The following DUSP18 variants were observed in gnomAD, a reference collection of about 807,000 sequenced individuals.
The protein encoded by DUSP18 is dual specificity phosphatase 18.
A neutral mutation model predicts 6.3 loss-of-function variants in DUSP18; 4 were observed. The ratio of observed to expected loss-of-function variants is 0.63; its 90% CI spans 0.31 to 1.45. The LOEUF is 1.45. Among genes scored for constraint, DUSP18 ranks in the 40% most tolerant of loss-of-function variants. The pLI is 0.07. For missense variants in DUSP18, 235 were observed against 247.7 expected (o/e 0.95, Z 0.34); for synonymous variants, 96 against 95.1 (o/e 1.01, Z -0.05).
Position 30,663,182 on chromosome 22 carries a change from A to G in DUSP18, c.*255T>C, listed in dbSNP as rs2088526068. On this transcript the variant is annotated 3_prime_UTR_variant, in exon 2 of 2. Coordinates refer to ENST00000334679, the MANE Select transcript of DUSP18 (RefSeq NM_152511.5). ...TGCTGCCCTCTTTCTTCTGGGCACCATCTGCCTCAACCTATCCCCTGGCCA... is the reference window on the plus strand; with the variant it reads ...TGCTGCCCTCTTTCTTCTGGGCACCGTCTGCCTCAACCTATCCCCTGGCCA... 2.2e-6 allele frequency: 1 copy of G among 450,960 alleles called. No homozygotes were observed. The allele number at this position is 450,960 out of a possible 1,614,324, so 27.9% of individuals were successfully genotyped here. A position where few individuals can be genotyped will look rare whatever the true frequency, so the allele number is the denominator to read the frequency against.
downstream of DUSP18, among the ~76,000 whole-genome samples, chr22:30,657,276 A>AAC (rs146940549): frequency 0.012 from 166 of 14,176 alleles, no homozygotes; most frequent in Middle Eastern, 0.043. Flanking sequence ...CTCTACTAAA[A>AAC]ACACACACAC....
downstream of DUSP18, among the ~76,000 whole-genome samples, chr22:30,659,493 C>G (rs1044049207): frequency 6.6e-6 from 1 of 152,048 alleles, no homozygotes; most frequent in Non-Finnish European, 1.5e-5. Flanking sequence ...TCCGCCTCAG[C>G]CTCCCGGGTA....
intron 1 of DUSP18, chr22:30,666,685 C>G (rs904646928): frequency 7.1e-6 from 1 of 140,040 alleles, no homozygotes; most frequent in Non-Finnish European, 1.5e-5. Flanking sequence ...GTTGGAGATA[C>G]TGAAATGTAC....
intron 1 of DUSP18, among the ~76,000 whole-genome samples, chr22:30,664,339 G>A (rs2088577051): frequency 6.6e-6 from 1 of 152,188 alleles, no homozygotes; most frequent in Non-Finnish European, 1.5e-5. Context: ...CTGCCCTATA[G>A]GACAAATGGC....
chr22:30,660,447 A>G (rs903904737), downstream of DUSP18, among the ~76,000 whole-genome samples: 1 of 152,168 alleles, frequency 6.6e-6, no homozygotes, highest in African/African-American at 2.4e-5. Context: ...AGCTGGGACT[A>G]CAGGTGCATG....
At chr22:30,660,089 G>A (rs1342461098), downstream of DUSP18, among the ~76,000 whole-genome samples, 1 of 152,170 alleles carries the variant, frequency 6.6e-6, no homozygotes, top group Non-Finnish European at 1.5e-5. Context: ...CTTCCTCAGA[G>A]CCTCCAGGGA....
intron 1 of DUSP18, among the ~76,000 whole-genome samples, chr22:30,666,320 G>C (rs563185338): frequency 6.6e-6 from 1 of 152,208 alleles, no homozygotes; most frequent in Non-Finnish European, 1.5e-5. Flanking sequence ...TTTCATGCTA[G>C]TTAAGAAATA....
Position 30,661,737 on chromosome 22 carries a change from C to T in DUSP18, c.*1700G>A, listed in dbSNP as rs902814928. On this transcript the variant is annotated 3_prime_UTR_variant, in exon 2 of 2. Transcript: ENST00000334679. ...AGAAGAGCTGGTCTTCAGCCAGGTC[C>T]TTGGCACCAAGAGGATGTGAACAAT... The T allele has an allele frequency of 1.3e-5, 2 of 152,238 alleles. No individual in the cohort carries two copies. The highest frequency in any genetic ancestry group is 2.9e-5 in the Non-Finnish European group (2 of 68,068). 9.4% of individuals were successfully genotyped at this position (152,238 alleles called of 1,614,324 possible).
rs1367496234 is a variant in DUSP18, at chr22:30,661,732, A to AG, written c.*1704dup. 2.6e-5 allele frequency: 4 copies of AG among 152,278 alleles called. No homozygotes were observed. Among genetic ancestry groups the AG allele is most frequent in the Non-Finnish European group, 5.9e-5 (4 of 68,076 alleles). The allele number at this position is 152,278 out of a possible 1,614,324, so 9.4% of individuals were successfully genotyped here. On this transcript the variant is annotated 3_prime_UTR_variant, in exon 2 of 2. Coordinates refer to ENST00000334679, the MANE Select transcript of DUSP18 (RefSeq NM_152511.5). ...GGATCAGAAGAGCTGGTCTTCAGCC[A>AG]GGTCCTTGGCACCAAGAGGATGTGA...
chr22:30,661,137 G>A (rs1424642128), downstream of DUSP18, among the ~76,000 whole-genome samples: 2 of 151,874 alleles, frequency 1.3e-5, no homozygotes, highest in East Asian at 1.9e-4. Context: ...CACCACGCCC[G>A]GCCTCAATTG....
chr22:30,654,072 C>G (rs986541237), intron 2 of DUSP18: 1 of 179,294 alleles, frequency 5.6e-6, no homozygotes, highest in African/African-American at 2.4e-5. Context: ...CTCCGCCCCA[C>G]GGGTTCACGC....
chr22:30,654,263 C>T (rs527957150), intron 2 of DUSP18: 66 of 425,804 alleles, frequency 1.6e-4, no homozygotes, highest in African/African-American at 9.9e-4. Context: ...GGATTACAGG[C>T]GTGAGCCACC....
downstream of DUSP18, among the ~76,000 whole-genome samples, chr22:30,658,456 G>T (rs907336799): frequency 6.6e-6 from 1 of 151,896 alleles, no homozygotes; most frequent in Non-Finnish European, 1.5e-5. Context: ...TGACAAAGCG[G>T]AATCCTTTCA....
chr22:30,661,602 GT>G lies in DUSP18; in HGVS notation c.*1834del, dbSNP rs11325761. On this transcript the variant is annotated 3_prime_UTR_variant, in exon 2 of 2. Coordinates refer to ENST00000334679, the MANE Select transcript of DUSP18 (RefSeq NM_152511.5). ...TAACTGGGATTACAGGCACCCAGCTGTTAAAAGAAAAAGCATTTGGCTTCTA... is the reference window on the plus strand; with the variant it reads ...TAACTGGGATTACAGGCACCCAGCTGTAAAAGAAAAAGCATTTGGCTTCTA... The G allele has an allele frequency of 0.91, 139,106 of 152,052 alleles. 63,753 individuals are homozygous for G. Among genetic ancestry groups the G allele is most frequent in the East Asian group, 1 (5,170 of 5,176 alleles). The allele number at this position is 152,052 out of a possible 1,614,324, so 9.4% of individuals were successfully genotyped here.
rs2088736911 is a variant in DUSP18 at position 30,667,841 on chromosome 22, GAC to G, written c.-459_-458del. On this transcript the variant is annotated 5_prime_UTR_variant, in exon 1 of 2. Coordinates refer to ENST00000334679, the MANE Select transcript of DUSP18 (RefSeq NM_152511.5). Reference sequence around the variant, plus strand: ...GGTCGCACCAGGGCTGCAGCCGAGAGACAGTCTCACCGCTTCCGTAGCCGCCC... The same window carrying G: ...GGTCGCACCAGGGCTGCAGCCGAGAGAGTCTCACCGCTTCCGTAGCCGCCC... 1.3e-5 allele frequency: 2 copies of G among 152,562 alleles called. No homozygotes were observed. Among genetic ancestry groups the G allele is most frequent in the African/African-American group, 4.8e-5 (2 of 41,460 alleles). 9.5% of individuals were successfully genotyped at this position (152,562 alleles called of 1,614,324 possible).
At chr22:30,658,948 T>C (rs1016190594), downstream of DUSP18, among the ~76,000 whole-genome samples, 4 of 151,674 alleles carry the variant, frequency 2.6e-5, no homozygotes, top group African/African-American at 9.7e-5. Flanking sequence ...ATCGAGACCA[T>C]CCTGGCTAAC....
downstream of DUSP18, among the ~76,000 whole-genome samples, chr22:30,659,305 C>T (rs1290492901): frequency 6.6e-6 from 1 of 152,098 alleles, no homozygotes; most frequent in Non-Finnish European, 1.5e-5. Context: ...CAAAATTACA[C>T]ACAAAGAACA....
downstream of DUSP18, among the ~76,000 whole-genome samples, chr22:30,661,060 C>T (rs896769483): frequency 1.3e-5 from 2 of 152,078 alleles, no homozygotes; most frequent in Non-Finnish European, 1.5e-5. Flanking sequence ...AGGCTGGTCT[C>T]GAACACTTGA....
chr22:30,665,550 C>A, intron 1 of DUSP18: 1 of 471,010 alleles, frequency 2.1e-6, no homozygotes, highest in Non-Finnish European at 4.4e-6. Flanking sequence ...CTTAAGATAT[C>A]AACTTAAAGG....
Sources: allele counts gnomAD v4.1 joint callset (sites outside exome capture counted in the v4.1 genomes callset), GRCh38; gene constraint gnomAD v4.1.1; transcripts MANE v1.5; gene names NCBI Gene and HGNC (gene_info 2026-07-23, HGNC 2026-07-21).